Variants in ANKS1B observed in about 807,000 individuals in gnomAD.
The protein encoded by ANKS1B is ankyrin repeat and sterile alpha motif domain containing 1B.
Under a neutral mutation model 148.3 loss-of-function variants are expected in ANKS1B, and 36 were observed. The observed-to-expected ratio is 0.24, with a 90% CI of 0.19 to 0.32. The LOEUF is 0.32. Ranked by LOEUF, ANKS1B falls within the 10% of genes least tolerant of loss-of-function variation. The pLI, the probability that ANKS1B is intolerant of heterozygous loss-of-function variation, is 1.00. For missense variants in ANKS1B, 1,157 were observed against 1,542.6 expected, an observed-to-expected ratio of 0.75 and a Z score of 4.19; for synonymous variants, 542 against 560.8, an observed-to-expected ratio of 0.97 and a Z score of 0.47.
At chr12:99,122,291 G>T (rs1279150104) in intron 15 of ANKS1B, among the ~76,000 whole-genome samples, 1 of 152,128 alleles carries the variant, frequency 6.6e-6, no homozygotes, top group Non-Finnish European at 1.5e-5. Flanking sequence ...TTGAATAGAA[G>T]AATTTGGAAA....
rs3054223 is a variant in ANKS1B at position 99,897,852 on chromosome 12, T to TAA, written c.135-72465_135-72464dup. ...GACATAAAGTTTGAAAATTAAAAGT[T>TAA]AAAAAAAAAAAAAAAAACCCTGAAA... is the stretch of plus-strand genomic sequence containing the variant. On this transcript the variant is annotated intron_variant, in intron 1 of 26. Coordinates refer to ENST00000683438, the MANE Select transcript of ANKS1B (RefSeq NM_001352186.2). Among the ~76,000 whole-genome samples the TAA allele has an allele frequency of 8.2e-4, 97 of 117,974 alleles. 1 individual carries two copies. The highest frequency in any genetic ancestry group is 2.6e-3 in the African/African-American group (91 of 35,450). The allele number at this position is 117,974 out of a possible 152,430, so 77.4% of individuals were successfully genotyped here.
At chr12:99,444,091 A>C (rs924221823) in intron 10 of ANKS1B, among the ~76,000 whole-genome samples, 1 of 151,968 alleles carries the variant, frequency 6.6e-6, no homozygotes, top group Admixed American at 6.6e-5. Flanking sequence ...AGCTCTTAAG[A>C]CTGCTACTAC....
chr12:99,399,611 C>T lies in ANKS1B; in HGVS notation c.1756+20G>A, dbSNP rs1300677857. ...CAGTCTTAAAATAAAAATACAGCTGCATAAAGTGAACTGCTTTACCTGTAT... is the reference window on the plus strand; with the variant it reads ...CAGTCTTAAAATAAAAATACAGCTGTATAAAGTGAACTGCTTTACCTGTAT... On this transcript the variant is annotated intron_variant, in intron 12 of 26. Transcript: ENST00000683438. The T allele has an allele frequency of 6.2e-7, 1 of 1,608,118 alleles. No homozygotes were observed. The highest frequency in any genetic ancestry group is 8.5e-7 in the Non-Finnish European group (1 of 1,176,794).
intron 4 of ANKS1B, among the ~76,000 whole-genome samples, chr12:99,790,177 A>G (rs912428487): frequency 3.3e-5 from 5 of 152,178 alleles, no homozygotes; most frequent in Non-Finnish European, 5.9e-5. Flanking sequence ...AGACTTTTCA[A>G]TGGAAATCTT....
chr12:99,285,086 C>G (rs1236355823), intron 12 of ANKS1B, among the ~76,000 whole-genome samples: 1 of 152,104 alleles, frequency 6.6e-6, no homozygotes, highest in East Asian at 1.9e-4. Flanking sequence ...CAAAAATTTC[C>G]TTTTACCCTT....
rs898286717 is a variant in ANKS1B at position 99,773,446 on chromosome 12, T to A, written c.962-358A>T. On this transcript the variant is annotated intron_variant, in intron 7 of 26. Transcript: ENST00000683438. ...ATTTTACTTCACTGACAGAATTCAT[T>A]AGCAAATTTGAAACGGTGCTGAGAA... Among the ~76,000 whole-genome samples the A allele has an allele frequency of 2.0e-5, 3 of 152,168 alleles. No homozygotes were observed. The South Asian group carries it at 6.2e-4, about 31-fold the overall frequency.
intron 1 of ANKS1B, among the ~76,000 whole-genome samples, chr12:99,968,303 A>G (rs2095513263): frequency 6.6e-6 from 1 of 152,140 alleles, no homozygotes. Context: ...GACGCCTGTA[A>G]TCCCAGCACT....
chr12:99,402,782 C>T (rs1054804743), intron 11 of ANKS1B, among the ~76,000 whole-genome samples: 2 of 146,122 alleles, frequency 1.4e-5, no homozygotes, highest in East Asian at 1.9e-4. Flanking sequence ...AATGAACATA[C>T]GCATGACGTG....
At chr12:98,953,536 G>GTTTTTTTTTTTT (rs1567984307) in intron 17 of ANKS1B, among the ~76,000 whole-genome samples, 1 of 94,340 alleles carries the variant, frequency 1.1e-5, no homozygotes, top group African/African-American at 5.5e-5. Context: ...AATCTAGAGT[G>GTTTTTTTTTTTT]GTTTTTTTTT....
At chr12:98,851,486 T>C (rs1330260801) in intron 17 of ANKS1B, among the ~76,000 whole-genome samples, 2 of 152,186 alleles carry the variant, frequency 1.3e-5, no homozygotes, top group East Asian at 3.9e-4. Flanking sequence ...TGTCTGTTTA[T>C]GGTTTCAAAA....
rs538696218 is a variant in ANKS1B at position 99,517,701 on chromosome 12, C to T, written c.1273-13060G>A. On this transcript the variant is annotated intron_variant, in intron 9 of 26. Transcript: ENST00000683438. ...GACTTCTACCTTTCCAATTTGGATG[C>T]CCTTTATATCTTTCTCTTGTTGGAT... is the stretch of plus-strand genomic sequence containing the variant. Among the ~76,000 whole-genome samples, 7 of 152,150 alleles carry T rather than the reference C, an allele frequency of 4.6e-5. No homozygotes were observed. The East Asian group carries it at 1.4e-3, about 29-fold the overall frequency.
At chr12:99,199,289 G>A (rs749575898) in intron 14 of ANKS1B, among the ~76,000 whole-genome samples, 27 of 152,192 alleles carry the variant, frequency 1.8e-4, no homozygotes, top group Non-Finnish European at 2.8e-4. Context: ...ATAACATGCA[G>A]CAATAGATAA....
At chr12:99,768,998 G>A (rs2062943825) in intron 8 of ANKS1B, among the ~76,000 whole-genome samples, 1 of 141,550 alleles carries the variant, frequency 7.1e-6, no homozygotes, top group Admixed American at 7.5e-5. Flanking sequence ...CTCCAGAACT[G>A]TGAGAAATAA....
intron 17 of ANKS1B, among the ~76,000 whole-genome samples, chr12:98,944,033 C>T (rs2153034574): frequency 6.6e-6 from 1 of 152,282 alleles, no homozygotes; most frequent in South Asian, 2.1e-4. Context: ...GGCACGGTGG[C>T]TCATGCCTGT....
chr12:99,608,881 G>A (rs1242722653), intron 9 of ANKS1B, among the ~76,000 whole-genome samples: 3 of 152,042 alleles, frequency 2.0e-5, no homozygotes, highest in Non-Finnish European at 2.9e-5. Context: ...GAGGGAAGGA[G>A]TTGAAGGCCC....
rs17029164 is a variant in ANKS1B, at chr12:99,264,401, T to G, written c.1757-17537A>C. On this transcript the variant is annotated intron_variant, in intron 12 of 26. Coordinates refer to ENST00000683438, the MANE Select transcript of ANKS1B (RefSeq NM_001352186.2). Reference sequence around the variant, plus strand: ...GTCTTAATATTCTACTTTACTGACTTGGGTTTCTCATGATCCAGTGTATTT... The same window carrying G: ...GTCTTAATATTCTACTTTACTGACTGGGGTTTCTCATGATCCAGTGTATTT... 5.5e-4 allele frequency among the ~76,000 whole-genome samples: 83 copies of G among 152,266 alleles called. 1 individual carries two copies. The East Asian group carries it at 0.014, about 27-fold the overall frequency.
At chr12:99,618,434 G>C (rs184590925) in intron 9 of ANKS1B, among the ~76,000 whole-genome samples, 75 of 152,204 alleles carry the variant, frequency 4.9e-4, no homozygotes, top group Admixed American at 1.6e-3. Flanking sequence ...CATAAAAATA[G>C]TGCATAAAAA....
intron 20 of ANKS1B, among the ~76,000 whole-genome samples, chr12:98,803,647 A>C (rs1490227820): frequency 6.6e-6 from 1 of 152,158 alleles, no homozygotes; most frequent in Non-Finnish European, 1.5e-5. Context: ...GTTTTCAAAA[A>C]AGTCTGAACA....
chr12:99,021,873 C>A (rs1473309495), intron 17 of ANKS1B, among the ~76,000 whole-genome samples: 1 of 152,154 alleles, frequency 6.6e-6, no homozygotes, highest in Non-Finnish European at 1.5e-5. Context: ...TAATCTCATA[C>A]AGTGGTTTTA....
Sources: gnomAD v4.1 joint callset for allele counts (sites outside exome capture counted in the v4.1 genomes callset) on GRCh38, gnomAD v4.1.1 for gene constraint, MANE v1.5 for transcripts, NCBI Gene and HGNC (gene_info 2026-07-23, HGNC 2026-07-21) for gene names.